Variants in CDH18 observed in about 807,000 individuals in gnomAD.
CDH18 encodes cadherin 18.
Under a neutral mutation model 67.9 loss-of-function variants are expected in CDH18, and 31 were observed. The observed-to-expected ratio is 0.46, with a 90% CI of 0.34 to 0.62. CDH18 has a LOEUF of 0.62. Among genes scored for constraint, CDH18 ranks in the 20% least tolerant of loss-of-function variants. The pLI, the probability that CDH18 is intolerant of heterozygous loss-of-function variation, is 0.01. For synonymous variants in CDH18, 362 were observed against 347.2 expected (o/e 1.04, Z -0.48); for missense variants, 890 against 975.5 (o/e 0.91, Z 1.17).
At chr5:19,760,729 C>T (rs1297969128) in intron 3 of CDH18, among the ~76,000 whole-genome samples, 1 of 152,146 alleles carries the variant, frequency 6.6e-6, no homozygotes, top group Non-Finnish European at 1.5e-5. Flanking sequence ...ACAATCTCAA[C>T]CTCACCTCTA....
intron 5 of CDH18, among the ~76,000 whole-genome samples, chr5:19,647,694 T>C (rs772741247): frequency 6.6e-6 from 1 of 152,182 alleles, no homozygotes; most frequent in South Asian, 2.1e-4. Flanking sequence ...CAGAGGGTCA[T>C]TGTGTCTGAA....
In CDH18 at chr5:19,473,487, T is replaced by C. The variant is rs181419243; in HGVS notation, c.2112A>G (p.Ser704=). The part of the protein sequence containing the change: ...EVKLTPRHQT[S]STLESIDVQE... ...GAACATCTATGCTTTCCAGGGTGGA[T>C]GATGTCTGGTGTCTGGGAGTGAGCT... Residue 704 remains serine, a synonymous_variant, in exon 13 of 13, where the codon TCA becomes TCG. Coordinates refer to ENST00000382275, the MANE Select transcript of CDH18 (RefSeq NM_004934.5). 133 of 1,613,850 alleles carry C rather than the reference T, an allele frequency of 8.2e-5. No individual in the cohort carries two copies. The Admixed American group carries it at 2.2e-3, about 26-fold the overall frequency.
At chr5:19,584,747 A>G (rs1743829936) in intron 7 of CDH18, among the ~76,000 whole-genome samples, 1 of 138,736 alleles carries the variant, frequency 7.2e-6, no homozygotes, top group South Asian at 2.5e-4. Context: ...CAGGAGTTAG[A>G]GACCAGCCAG....
At chr5:20,138,954 G>GAA (rs1223964517) in intron 2 of CDH18, among the ~76,000 whole-genome samples, 1 of 151,896 alleles carries the variant, frequency 6.6e-6, no homozygotes, top group East Asian at 1.9e-4. Context: ...CACAGAATTG[G>GAA]AAAAAAACCA....
At chr5:20,184,078 T>C (rs929728562) in intron 2 of CDH18, among the ~76,000 whole-genome samples, 4 of 152,036 alleles carry the variant, frequency 2.6e-5, no homozygotes, top group African/African-American at 9.7e-5. Context: ...GGCACTGAAA[T>C]AGTGTAATGC....
chr5:20,000,675 T>C (rs1341197325), intron 2 of CDH18, among the ~76,000 whole-genome samples: 1 of 152,070 alleles, frequency 6.6e-6, no homozygotes, highest in Non-Finnish European at 1.5e-5. Context: ...ATGATTATGT[T>C]GATAATAATA....
chr5:20,282,677 C>CT (rs1467123954), intron 1 of CDH18, among the ~76,000 whole-genome samples: 2 of 152,112 alleles, frequency 1.3e-5, no homozygotes, highest in African/African-American at 2.4e-5. Flanking sequence ...CTAAAATTCT[C>CT]TTTTTTTGCT....
intron 1 of CDH18, among the ~76,000 whole-genome samples, chr5:20,565,906 T>C (rs913294182): frequency 6.6e-6 from 1 of 152,162 alleles, no homozygotes; most frequent in Non-Finnish European, 1.5e-5. Context: ...GGTACACCCA[T>C]ACTGAAGAAT....
Position 20,191,048 on chromosome 5 carries a change from A to G in CDH18, c.-518+64396T>C, listed in dbSNP as rs370101249. Among the ~76,000 whole-genome samples, 3 of 152,192 alleles carry G rather than the reference A, an allele frequency of 2.0e-5. No homozygotes were observed. The East Asian group carries it at 5.8e-4, about 29-fold the overall frequency. ...GCAGTGAAGGCTCACATATTGTTCC[A>G]CCTTTGAAAGCCTGCAGGTTTGTGG... On this transcript the variant is annotated intron_variant, in intron 2 of 14. Transcript: ENST00000507958.
intron 1 of CDH18, among the ~76,000 whole-genome samples, chr5:20,430,551 A>G (rs932259113): frequency 6.6e-6 from 1 of 152,214 alleles, no homozygotes; most frequent in African/African-American, 2.4e-5. Flanking sequence ...ACTCAGGTAT[A>G]AAAATGTCTC....
At chr5:20,286,401 T>C (rs888324418) in intron 1 of CDH18, among the ~76,000 whole-genome samples, 1 of 151,642 alleles carries the variant, frequency 6.6e-6, no homozygotes, top group East Asian at 1.9e-4. Context: ...TTGAAAATAC[T>C]GATTTCTATT....
chr5:20,369,931 CAT>C (rs1742836851), intron 1 of CDH18, among the ~76,000 whole-genome samples: 1 of 152,080 alleles, frequency 6.6e-6, no homozygotes, highest in Non-Finnish European at 1.5e-5. Flanking sequence ...CACAGGTAAA[CAT>C]GTGCTACGGT....
At chr5:20,005,889 G>A (rs923775540) in intron 2 of CDH18, among the ~76,000 whole-genome samples, 40 of 152,096 alleles carry the variant, frequency 2.6e-4, no homozygotes, top group African/African-American at 7.9e-4. Context: ...ATGATTAGAC[G>A]TGTTTGGAGA....
At chr5:20,504,473 C>T (rs1251383682) in intron 1 of CDH18, among the ~76,000 whole-genome samples, 4 of 152,062 alleles carry the variant, frequency 2.6e-5, no homozygotes, top group South Asian at 4.1e-4. Context: ...TTTGAGTATT[C>T]GCCTTGAATA....
chr5:19,674,545 A>C (rs778536908), intron 5 of CDH18, among the ~76,000 whole-genome samples: 1 of 152,072 alleles, frequency 6.6e-6, no homozygotes, highest in African/African-American at 2.4e-5. Context: ...TTGACTCTTA[A>C]ATACAATAAA....
At chr5:19,531,609 TCACACACACACACA>T (rs10552517) in intron 9 of CDH18, among the ~76,000 whole-genome samples, 2 of 148,814 alleles carry the variant, frequency 1.3e-5, no homozygotes, top group East Asian at 2.0e-4. Flanking sequence ...ATGTGTGTTC[TCACACACACACACA>T]CACACACACA....
At chr5:20,039,196 T>C (rs1740180728) in intron 2 of CDH18, among the ~76,000 whole-genome samples, 1 of 151,710 alleles carries the variant, frequency 6.6e-6, no homozygotes, top group Non-Finnish European at 1.5e-5. Context: ...AATAGGAGAG[T>C]ACACAAACAA....
At chr5:19,902,491 G>A (rs1386908579) in intron 2 of CDH18, among the ~76,000 whole-genome samples, 2 of 152,152 alleles carry the variant, frequency 1.3e-5, no homozygotes, top group African/African-American at 2.4e-5. Flanking sequence ...TCTGCAAGCA[G>A]TGAGTTAACA....
At chr5:19,699,449 C>G (rs1406410420) in intron 5 of CDH18, among the ~76,000 whole-genome samples, 1 of 151,916 alleles carries the variant, frequency 6.6e-6, no homozygotes, top group East Asian at 1.9e-4. Context: ...TGTTTGTTTC[C>G]CCAAAAATTT....
Sources: allele counts gnomAD v4.1 joint callset (sites outside exome capture counted in the v4.1 genomes callset), GRCh38; gene constraint gnomAD v4.1.1; transcripts MANE v1.5; gene names NCBI Gene and HGNC (gene_info 2026-07-23, HGNC 2026-07-21).